Variants in RBFOX1 observed in about 807,000 individuals in gnomAD.
RBFOX1 encodes RNA binding protein fox-1 homolog 1.
A neutral mutation model predicts 57.7 loss-of-function variants in RBFOX1; 8 were observed. That is an observed-to-expected ratio of 0.14 (90% CI 0.08 to 0.25). The LOEUF is 0.25. Ranked by LOEUF, RBFOX1 falls within the 10% of genes least tolerant of loss-of-function variation. The pLI is 1.00. For synonymous variants in RBFOX1, 326 were observed against 222.4 expected (o/e 1.47, Z -4.15); for missense variants, 611 against 548.5 (o/e 1.11, Z -1.14).
intron 14 of RBFOX1, among the ~76,000 whole-genome samples, chr16:7,706,863 A>G (rs1367003564): frequency 6.6e-6 from 1 of 152,226 alleles, no homozygotes; most frequent in Non-Finnish European, 1.5e-5. Flanking sequence ...TTAAGTGGGT[A>G]AAGGCCCAGG....
At chr16:6,811,881 C>G (rs902807261) in intron 3 of RBFOX1, among the ~76,000 whole-genome samples, 1 of 152,112 alleles carries the variant, frequency 6.6e-6, no homozygotes, top group East Asian at 1.9e-4. Context: ...ACGAGTGAAA[C>G]TCCATCTCAA....
chr16:5,248,880 C>T (rs1056553319), intron 1 of RBFOX1, among the ~76,000 whole-genome samples: 10 of 147,266 alleles, frequency 6.8e-5, no homozygotes, highest in African/African-American at 1.3e-4. Context: ...CCCAGCTACT[C>T]GGGAAGCTGA....
At chr16:6,589,139 G>A (rs1450539654) in intron 2 of RBFOX1, among the ~76,000 whole-genome samples, 1 of 152,012 alleles carries the variant, frequency 6.6e-6, no homozygotes, top group South Asian at 2.1e-4. Context: ...ACCCACTTTA[G>A]TAGAACCATG....
At chr16:6,303,969 G>C (rs2079141777) in intron 1 of RBFOX1, among the ~76,000 whole-genome samples, 1 of 150,310 alleles carries the variant, frequency 6.7e-6, no homozygotes, top group African/African-American at 2.5e-5. Flanking sequence ...GCACTACCAT[G>C]CCTGGCTAAT....
intron 4 of RBFOX1, among the ~76,000 whole-genome samples, chr16:5,968,375 C>G (rs527962819): frequency 6.6e-6 from 1 of 152,060 alleles, no homozygotes. Flanking sequence ...GCCCTGGCCT[C>G]TCCAGTACAT....
In RBFOX1 at chr16:7,144,184, C is replaced by T. The variant is rs140791709; in HGVS notation, c.27+92086C>T. 3.4e-3 allele frequency among the ~76,000 whole-genome samples: 516 copies of T among 152,162 alleles called. 2 individuals carry two copies. Among genetic ancestry groups the T allele is most frequent in the African/African-American group, 0.011 (459 of 41,512 alleles). ...TTGTTTAAGAAAGGACATGGATAGACGGATAGACTCCATTTCTCCTCTTAA... is the reference window on the plus strand; with the variant it reads ...TTGTTTAAGAAAGGACATGGATAGATGGATAGACTCCATTTCTCCTCTTAA... On this transcript the variant is annotated intron_variant, in intron 4 of 15. Coordinates refer to ENST00000550418, the MANE Select transcript of RBFOX1 (RefSeq NM_018723.4).
intron 2 of RBFOX1, among the ~76,000 whole-genome samples, chr16:6,374,577 G>A (rs1273418972): frequency 6.6e-6 from 1 of 152,160 alleles, no homozygotes; most frequent in African/African-American, 2.4e-5. Context: ...GACAAATGCT[G>A]TGTAATGTAC....
chr16:7,654,361 C>T (rs3785220), intron 12 of RBFOX1, among the ~76,000 whole-genome samples: 123,712 of 152,120 alleles, frequency 0.81, 50,673 homozygotes, highest in Non-Finnish European at 0.85. Flanking sequence ...CTGGGGTCGT[C>T]TTGCTCGCCT....
intron 3 of RBFOX1, among the ~76,000 whole-genome samples, chr16:6,890,326 C>G (rs370942302): frequency 6.6e-6 from 1 of 152,150 alleles, no homozygotes; most frequent in Non-Finnish European, 1.5e-5. Context: ...CAAGACCAGC[C>G]TGGCCTACAA....
chr16:6,563,413 A>T (rs1275932346), intron 2 of RBFOX1, among the ~76,000 whole-genome samples: 6 of 152,172 alleles, frequency 3.9e-5, no homozygotes, highest in African/African-American at 4.8e-5. Context: ...AGAAACTGGG[A>T]TCCCCCCTAG....
chr16:6,482,087 C>G (rs2095380090), intron 2 of RBFOX1, among the ~76,000 whole-genome samples: 1 of 152,134 alleles, frequency 6.6e-6, no homozygotes, highest in Non-Finnish European at 1.5e-5. Flanking sequence ...TTAATATTTG[C>G]TTACCAATGC....
intron 1 of RBFOX1, among the ~76,000 whole-genome samples, chr16:5,437,650 C>A (rs910257775): frequency 1.3e-5 from 2 of 152,114 alleles, no homozygotes; most frequent in Non-Finnish European, 2.9e-5. Flanking sequence ...AATTAAGACA[C>A]AATATTACAT....
At chr16:6,637,842 T>C (rs982689144) in intron 2 of RBFOX1, among the ~76,000 whole-genome samples, 1 of 152,070 alleles carries the variant, frequency 6.6e-6, no homozygotes, top group Admixed American at 6.6e-5. Context: ...TGCACTGGAT[T>C]ACAATTCTGA....
At chr16:7,401,835 G>T (rs1468967975) in intron 4 of RBFOX1, among the ~76,000 whole-genome samples, 1 of 152,180 alleles carries the variant, frequency 6.6e-6, no homozygotes, top group Admixed American at 6.5e-5. Flanking sequence ...GAGGCCAAAA[G>T]AGTTTCCAAA....
chr16:6,362,012 T>G (rs1032127858), intron 2 of RBFOX1, among the ~76,000 whole-genome samples: 4 of 152,142 alleles, frequency 2.6e-5, no homozygotes, highest in African/African-American at 9.6e-5. Flanking sequence ...AAAGCCTTCA[T>G]GCTCAAGGAG....
chr16:7,510,505 GT>G (rs1381879321), intron 4 of RBFOX1, among the ~76,000 whole-genome samples: 23 of 151,084 alleles, frequency 1.5e-4, no homozygotes, highest in African/African-American at 3.4e-4. Context: ...GTGTGTGTGT[GT>G]GTGTGGGCGC....
intron 3 of RBFOX1, among the ~76,000 whole-genome samples, chr16:5,823,183 C>G (rs908011959): frequency 6.6e-6 from 1 of 152,142 alleles, no homozygotes; most frequent in Non-Finnish European, 1.5e-5. Context: ...AGAGGGCAGT[C>G]GGATACTGAC....
intron 2 of RBFOX1, among the ~76,000 whole-genome samples, chr16:6,478,411 ATATATATATATATATATATTTTTTT>A (rs1331420411): frequency 3.4e-5 from 1 of 29,458 alleles, no homozygotes; most frequent in Non-Finnish European, 5.6e-5. Flanking sequence ...ATATATATAT[ATATATATATATATATATATTTTTTT>A]TTTTTTTTTT....
chr16:5,776,040 TTAA>T (rs144651072), intron 3 of RBFOX1, among the ~76,000 whole-genome samples: 19,573 of 152,148 alleles, frequency 0.13, 1,439 homozygotes, highest in African/African-American at 0.19. Flanking sequence ...CCAATGAATC[TTAA>T]TAAAAAATGG....
Sources: allele counts gnomAD v4.1 joint callset (sites outside exome capture counted in the v4.1 genomes callset), GRCh38; gene constraint gnomAD v4.1.1; transcripts MANE v1.5; gene names NCBI Gene and HGNC (gene_info 2026-07-23, HGNC 2026-07-21).